The following ZNF469 variants were observed in gnomAD, a reference collection of about 807,000 sequenced individuals.
The protein encoded by ZNF469 is zinc finger protein 469.
In ZNF469, 1 loss-of-function variant was observed where a neutral mutation model predicts 1.0. The ratio of observed to expected loss-of-function variants is 1.00; its 90% CI spans 0.35 to 4.73. ZNF469 has a LOEUF of 4.73. ZNF469 is among the 30% of genes most tolerant of loss of function. The pLI is 0.16. For missense variants in ZNF469, 6,100 were observed against 5,356.3 expected (o/e 1.14, Z -4.33); for synonymous variants, 2,703 against 2,363.4 (o/e 1.14, Z -4.17).
At chr16:88,397,901 A>G (rs1416832301) in intron 1 of ZNF469, among the ~76,000 whole-genome samples, 5 of 152,178 alleles carry the variant, frequency 3.3e-5, no homozygotes, top group South Asian at 2.1e-4. Context: ...CTTTTGCTTC[A>G]TGGCGTGTCA....
the ZNF469 span, among the ~76,000 whole-genome samples, chr16:88,240,765 C>T: frequency 6.6e-6 from 1 of 152,174 alleles, no homozygotes; most frequent in Non-Finnish European, 1.5e-5. Flanking sequence ...CACGGGCAAC[C>T]GCGAGTTGGT....
At chr16:88,122,253 G>A in the ZNF469 span, among the ~76,000 whole-genome samples, 3 of 150,058 alleles carry the variant, frequency 2.0e-5, no homozygotes, top group African/African-American at 7.4e-5. Flanking sequence ...TACAGCCACG[G>A]CAGCCACTCT....
the ZNF469 span, among the ~76,000 whole-genome samples, chr16:88,159,694 C>T: frequency 1.4e-4 from 22 of 152,256 alleles, no homozygotes; most frequent in Middle Eastern, 3.4e-3. Context: ...TTAACACTTT[C>T]CTATCATTTA....
At chr16:88,386,120 T>C (rs2092536267) in intron 1 of ZNF469, among the ~76,000 whole-genome samples, 1 of 152,046 alleles carries the variant, frequency 6.6e-6, no homozygotes, top group Non-Finnish European at 1.5e-5. Context: ...GCCCTCCCCA[T>C]CTTCCCAGCG....
In ZNF469 at chr16:88,429,358, G is replaced by T; in HGVS notation, c.1888G>T (p.Gly630Trp). 1 of 1,549,774 alleles carries T rather than the reference G, an allele frequency of 6.5e-7. No homozygotes were observed. The highest frequency in any genetic ancestry group is 8.7e-7 in the Non-Finnish European group (1 of 1,146,770). The change falls in exon 3 of 3, where the codon GGG becomes TGG. Residue 630 changes from glycine (G) to tryptophan (W), a missense_variant. Transcript: ENST00000565624. Reference protein sequence around the residue: ...SEESQLPGPLGPSAFFHPPTH... With the variant: ...SEESQLPGPLWPSAFFHPPTH... ...GGAAAGCCAGCTCCCCGGCCCCCTC[G>T]GGCCCTCGGCCTTCTTCCACCCACC...
chr16:88,306,825 A>AT, the ZNF469 span, among the ~76,000 whole-genome samples: 1 of 152,174 alleles, frequency 6.6e-6, no homozygotes, highest in Non-Finnish European at 1.5e-5. Context: ...AAAACAGTGA[A>AT]TTTTTTTAGT....
At chr16:88,214,673 G>T in the ZNF469 span, among the ~76,000 whole-genome samples, 1 of 151,964 alleles carries the variant, frequency 6.6e-6, no homozygotes, top group East Asian at 1.9e-4. Context: ...CCCCCGACAG[G>T]CCCCGGTGTG....
chr16:88,299,926 C>T, the ZNF469 span, among the ~76,000 whole-genome samples: 1,447 of 152,264 alleles, frequency 9.5e-3, 6 homozygotes, highest in Middle Eastern at 0.017. Flanking sequence ...TGTTTGAGGA[C>T]GACCTTTTCT....
chr16:88,149,719 A>G, the ZNF469 span, among the ~76,000 whole-genome samples: 7 of 152,128 alleles, frequency 4.6e-5, no homozygotes, highest in Non-Finnish European at 5.9e-5. Flanking sequence ...ATGCCAGGGC[A>G]TTGGGCCTCA....
At chr16:88,148,537 C>G in the ZNF469 span, among the ~76,000 whole-genome samples, 1 of 152,202 alleles carries the variant, frequency 6.6e-6, no homozygotes, top group African/African-American at 2.4e-5. Flanking sequence ...GGCTGCGGCA[C>G]CAATGTCTCT....
the ZNF469 span, among the ~76,000 whole-genome samples, chr16:88,165,792 C>A: frequency 1.3e-5 from 2 of 152,176 alleles, no homozygotes; most frequent in Non-Finnish European, 2.9e-5. Flanking sequence ...TTTCCCTGCC[C>A]CAGCCCGGCC....
In ZNF469 at chr16:88,412,551, G is replaced by A. The variant is rs567960669; in HGVS notation, c.-191-12256G>A. On this transcript the variant is annotated intron_variant, in intron 1 of 2. Transcript: ENST00000565624. ...TCCTGGGCACAGCAGCCCAGACCCA[G>A]CCATAGAGCCAGGGACCTTTGTTCT... 8.5e-5 allele frequency among the ~76,000 whole-genome samples: 13 copies of A among 152,324 alleles called. No individual in the cohort carries two copies. In the South Asian group the frequency reaches 2.7e-3, roughly 32 times the overall value.
chr16:88,319,386 C>T, the ZNF469 span, among the ~76,000 whole-genome samples: 2 of 152,140 alleles, frequency 1.3e-5, no homozygotes, highest in African/African-American at 4.8e-5. Context: ...CGGAGCCACA[C>T]AGGAGGTGCA....
chr16:88,281,997 G>A, the ZNF469 span, among the ~76,000 whole-genome samples: 13 of 152,194 alleles, frequency 8.5e-5, no homozygotes, highest in African/African-American at 2.9e-4. Flanking sequence ...CTGGTGCATG[G>A]GTTAGTTAGT....
chr16:88,413,852 C>G (rs1362962201), intron 1 of ZNF469, among the ~76,000 whole-genome samples: 1 of 152,200 alleles, frequency 6.6e-6, no homozygotes, highest in Non-Finnish European at 1.5e-5. Context: ...GGGCCAGCCC[C>G]CAGGGCTGTG....
At chr16:88,309,924 C>G in the ZNF469 span, among the ~76,000 whole-genome samples, 19 of 152,230 alleles carry the variant, frequency 1.2e-4, no homozygotes, top group Non-Finnish European at 2.8e-4. Flanking sequence ...CCTGCCCCTG[C>G]CAGAGGCCAG....
the ZNF469 span, among the ~76,000 whole-genome samples, chr16:88,147,874 A>G: frequency 1.3e-5 from 2 of 152,138 alleles, no homozygotes; most frequent in Non-Finnish European, 2.9e-5. Context: ...ACCACAGCCT[A>G]TGGAAGGGAC....
At chr16:88,125,547 G>A in the ZNF469 span, among the ~76,000 whole-genome samples, 4 of 152,180 alleles carry the variant, frequency 2.6e-5, no homozygotes, top group Non-Finnish European at 5.9e-5. Context: ...TAACTCTATC[G>A]AGTAATCCAA....
chr16:88,286,908 AGAG>A, the ZNF469 span, among the ~76,000 whole-genome samples: 2 of 152,136 alleles, frequency 1.3e-5, no homozygotes, highest in African/African-American at 4.8e-5. Flanking sequence ...CTCGCTCAGG[AGAG>A]GAGATGTGGG....
Sources: gnomAD v4.1 joint callset for allele counts (sites outside exome capture counted in the v4.1 genomes callset) on GRCh38, gnomAD v4.1.1 for gene constraint, MANE v1.5 for transcripts, NCBI Gene and HGNC (gene_info 2026-07-23, HGNC 2026-07-21) for gene names.